The following ATF2 variants were observed in gnomAD, a reference collection of about 807,000 sequenced individuals.
The protein encoded by ATF2 is activating transcription factor 2, also known as cyclic AMP-dependent transcription factor ATF-2.
A neutral mutation model predicts 60.6 loss-of-function variants in ATF2; 24 were observed. The ratio of observed to expected loss-of-function variants is 0.40; its 90% CI spans 0.29 to 0.56. The LOEUF is 0.56. Among genes scored for constraint, ATF2 ranks in the 20% least tolerant of loss-of-function variants. The pLI, the probability that ATF2 is intolerant of heterozygous loss-of-function variation, is 0.54. For missense variants in ATF2, 433 were observed against 607.7 expected, an observed-to-expected ratio of 0.71 and a Z score of 3.02; for synonymous variants, 206 against 215.4, an observed-to-expected ratio of 0.96 and a Z score of 0.38.
intron 12 of ATF2, among the ~76,000 whole-genome samples, chr2:175,090,822 T>C (rs982345686): frequency 6.6e-6 from 1 of 152,054 alleles, no homozygotes; most frequent in Non-Finnish European, 1.5e-5. Flanking sequence ...CTACCCAAAT[T>C]AGGAAGTATA....
intron 4 of ATF2, among the ~76,000 whole-genome samples, chr2:175,129,767 A>G (rs1286429440): frequency 1.1e-4 from 17 of 152,076 alleles, no homozygotes. Flanking sequence ...TAATTTCATA[A>G]AAGTTCAGTA....
intron 10 of ATF2, among the ~76,000 whole-genome samples, chr2:175,109,168 T>TTA (rs746681708): frequency 7.3e-5 from 6 of 82,608 alleles, no homozygotes; most frequent in South Asian, 1.1e-3. Flanking sequence ...GAATGATCAA[T>TTA]AAAAAAAAAA....
intron 2 of ATF2, chr2:175,147,934 G>C (rs1272000622): frequency 2.0e-5 from 3 of 152,068 alleles, no homozygotes; most frequent in Admixed American, 1.3e-4. Flanking sequence ...GTAAACTAGG[G>C]GAGATACTGA....
At chr2:175,091,432 TAATA>T (rs1345651908) in intron 12 of ATF2, among the ~76,000 whole-genome samples, 1 of 152,122 alleles carries the variant, frequency 6.6e-6, no homozygotes, top group African/African-American at 2.4e-5. Context: ...ATTTAAATAA[TAATA>T]AATATTCTAA....
chr2:175,097,330 A>T, intron 11 of ATF2, 114 bp downstream of exon 11: 1 of 1,409,438 alleles, frequency 7.1e-7, no homozygotes, highest in South Asian at 1.4e-5. Context: ...CTTTTGATAC[A>T]TCTTTGGAAT....
intron 2 of ATF2, among the ~76,000 whole-genome samples, chr2:175,140,898 G>A (rs1175853131): frequency 6.8e-6 from 1 of 147,262 alleles, no homozygotes; most frequent in Non-Finnish European, 1.5e-5. Context: ...TCAGGAGGCT[G>A]AGGCAGGAGA....
At chr2:175,108,002 T>G (rs1022813693) in intron 10 of ATF2, among the ~76,000 whole-genome samples, 1 of 151,358 alleles carries the variant, frequency 6.6e-6, no homozygotes, top group Non-Finnish European at 1.5e-5. Context: ...GTCTGGGAAG[T>G]GAGGAGCGTC....
chr2:175,163,400 C>T (rs1700143641), intron 1 of ATF2, among the ~76,000 whole-genome samples: 2 of 151,926 alleles, frequency 1.3e-5, no homozygotes. Flanking sequence ...TTGCCAATTA[C>T]AATTATTTCT....
chr2:175,152,217 G>A (rs973161413), intron 1 of ATF2, among the ~76,000 whole-genome samples: 1 of 152,138 alleles, frequency 6.6e-6, no homozygotes, highest in Non-Finnish European at 1.5e-5. Flanking sequence ...GAGAGTTTTC[G>A]AAAGCAGAAG....
chr2:175,093,530 A>G (rs1001103106), intron 11 of ATF2, among the ~76,000 whole-genome samples: 1 of 152,216 alleles, frequency 6.6e-6, no homozygotes, highest in South Asian at 2.1e-4. Flanking sequence ...TTTCATTTAC[A>G]TACAAATATG....
At chr2:175,121,735 C>G (rs1326728685) in intron 4 of ATF2, among the ~76,000 whole-genome samples, 195 bp from the exon 5 acceptor site, 2 of 150,652 alleles carry the variant, frequency 1.3e-5, no homozygotes, top group African/African-American at 4.9e-5. Context: ...ACCTATTACT[C>G]AAGAATAAGC....
At chr2:175,122,701 CT>C (rs1574422538) in intron 4 of ATF2, among the ~76,000 whole-genome samples, 1 of 151,988 alleles carries the variant, frequency 6.6e-6, no homozygotes, top group East Asian at 1.9e-4. Flanking sequence ...GTTATAGCAC[CT>C]ATCATATTTT....
intron 2 of ATF2, among the ~76,000 whole-genome samples, chr2:175,141,082 T>TACACACAC (rs1698507905): frequency 7.6e-6 from 1 of 130,814 alleles, no homozygotes; most frequent in Non-Finnish European, 1.6e-5. Context: ...TATATATATG[T>TACACACAC]ATACACACAC....
chr2:175,154,667 A>G (rs1574497125), intron 1 of ATF2, among the ~76,000 whole-genome samples: 1 of 152,220 alleles, frequency 6.6e-6, no homozygotes, highest in East Asian at 1.9e-4. Flanking sequence ...TGTTTACACC[A>G]ACATCACTAC....
At chr2:175,108,164 C>T (rs1257310755) in intron 10 of ATF2, among the ~76,000 whole-genome samples, 3 of 151,426 alleles carry the variant, frequency 2.0e-5, no homozygotes, top group South Asian at 2.1e-4. Flanking sequence ...ATGTGGGGAG[C>T]GCCTCTGCCC....
intron 11 of ATF2, among the ~76,000 whole-genome samples, chr2:175,095,209 C>T (rs895562055): frequency 6.6e-6 from 1 of 151,950 alleles, no homozygotes; most frequent in African/African-American, 2.4e-5. Flanking sequence ...AGTGATTCTC[C>T]TACTCAGCCT....
At chr2:175,108,430 C>T (rs1250174858) in intron 10 of ATF2, among the ~76,000 whole-genome samples, 3 of 150,756 alleles carry the variant, frequency 2.0e-5, no homozygotes, top group Admixed American at 1.3e-4. Context: ...GGTCAGCCCC[C>T]GCCCGGCCAG....
At chr2:175,097,332 C>A in intron 11 of ATF2, 112 bp downstream of exon 11, 1 of 1,428,234 alleles carries the variant, frequency 7.0e-7, no homozygotes, top group Non-Finnish European at 9.5e-7. Flanking sequence ...TTTGATACAT[C>A]TTTGGAATAA....
intron 11 of ATF2, among the ~76,000 whole-genome samples, chr2:175,095,919 T>C (rs1694904429): frequency 6.6e-6 from 1 of 152,228 alleles, no homozygotes; most frequent in Non-Finnish European, 1.5e-5. Context: ...GAATCATTGT[T>C]AAACCCTGAG....
Sources: allele counts gnomAD v4.1 joint callset (sites outside exome capture counted in the v4.1 genomes callset), GRCh38; gene constraint gnomAD v4.1.1; transcripts MANE v1.5; gene names NCBI Gene and HGNC (gene_info 2026-07-23, HGNC 2026-07-21).